PTPRN2: variants seen among roughly 807,000 people sequenced by gnomAD.
The protein encoded by PTPRN2 is protein tyrosine phosphatase receptor type N2.
A neutral mutation model predicts 118.8 loss-of-function variants in PTPRN2; 74 were observed. The ratio of observed to expected loss-of-function variants is 0.62; its 90% CI spans 0.52 to 0.76. The LOEUF (loss-of-function observed/expected upper bound fraction) is 0.76. Ranked by LOEUF, PTPRN2 falls within the 30% of genes least tolerant of loss-of-function variation. The pLI, the probability that PTPRN2 is intolerant of heterozygous loss-of-function variation, is 0.00. For missense variants in PTPRN2, 1,481 were observed against 1,394.4 expected, an observed-to-expected ratio of 1.06 and a Z score of -0.99; for synonymous variants, 641 against 608.0, an observed-to-expected ratio of 1.05 and a Z score of -0.80.
chr7:157,931,930 C>G (rs1411864010), intron 11 of PTPRN2, among the ~76,000 whole-genome samples: 1 of 152,116 alleles, frequency 6.6e-6, no homozygotes, highest in Non-Finnish European at 1.5e-5. Flanking sequence ...TGCTTCCCCT[C>G]CCCCCTTTAA....
chr7:158,096,929 C>T (rs1336465301), intron 10 of PTPRN2, among the ~76,000 whole-genome samples: 1 of 152,174 alleles, frequency 6.6e-6, no homozygotes, highest in Non-Finnish European at 1.5e-5. Context: ...ATATTACTAA[C>T]GCACAGCACT....
At chr7:158,275,758 C>T (rs573105065) in intron 3 of PTPRN2, among the ~76,000 whole-genome samples, 225 of 152,234 alleles carry the variant, frequency 1.5e-3, no homozygotes, top group African/African-American at 5.2e-3. Flanking sequence ...CAGGCAGAGC[C>T]GAACTCCCAG....
Position 158,417,453 on chromosome 7 carries a change from C to T in PTPRN2, c.163+72282G>A, listed in dbSNP as rs185320303. ...TCGAGATGCTGTAGCTTTCAGTGTC[C>T]CGCTGTGTTGTCATGGTGTACTACA... is the stretch of plus-strand genomic sequence containing the variant. On this transcript the variant is annotated intron_variant, in intron 2 of 22. Transcript: ENST00000389418. Among the ~76,000 whole-genome samples the T allele has an allele frequency of 1.8e-3, 269 of 149,336 alleles. 8 individuals are homozygous for T. Among genetic ancestry groups the T allele is most frequent in the African/African-American group, 6.5e-3 (257 of 39,622 alleles).
At chr7:158,055,381 A>C (rs549194045) in intron 11 of PTPRN2, among the ~76,000 whole-genome samples, 1 of 152,302 alleles carries the variant, frequency 6.6e-6, no homozygotes, top group Non-Finnish European at 1.5e-5. Context: ...GTCAGTGCCA[A>C]GGAAAAACAC....
chr7:158,337,454 CTCAA>C, intron 2 of PTPRN2, among the ~76,000 whole-genome samples: 8 of 148,310 alleles, frequency 5.4e-5, no homozygotes, highest in African/African-American at 1.5e-4. Flanking sequence ...ACAGACGTCA[CTCAA>C]ACCCACACTC....
At chr7:158,458,680 A>G (rs1164144782) in intron 2 of PTPRN2, among the ~76,000 whole-genome samples, 3 of 152,184 alleles carry the variant, frequency 2.0e-5, no homozygotes, top group African/African-American at 4.8e-5. Flanking sequence ...AAAGTTGCAC[A>G]GTTATTTACT....
rs552481380 is a variant in PTPRN2 at position 157,619,316 on chromosome 7, C to T, written c.2344+2046G>A. The stretch of plus-strand genomic sequence containing the variant: ...CAGACACACAGAGACATATAATGCA[C>T]GCTTACTGCATGGCTATTTACCACG... On this transcript the variant is annotated intron_variant, in intron 15 of 22. Transcript: ENST00000389418. The surrounding 1 kb of genome is among the most constrained non-coding windows in gnomAD (Gnocchi z 5.3). Among the ~76,000 whole-genome samples the T allele has an allele frequency of 5.3e-5, 8 of 152,256 alleles. No homozygotes were observed. The South Asian group carries it at 6.2e-4, about 12-fold the overall frequency.
intron 2 of PTPRN2, among the ~76,000 whole-genome samples, chr7:158,434,062 A>G (rs762679502): frequency 1.7e-4 from 26 of 152,162 alleles, no homozygotes; most frequent in African/African-American, 2.2e-4. Context: ...AATGATTTCA[A>G]TCTTTAGCAA....
intron 10 of PTPRN2, among the ~76,000 whole-genome samples, chr7:158,089,422 G>T (rs61467126): frequency 0.011 from 232 of 20,334 alleles, no homozygotes; most frequent in Non-Finnish European, 0.035. Context: ...CCTCCCCTGA[G>T]GAAAGAGGGA....
At chr7:157,722,945 C>T (rs1177356515) in intron 12 of PTPRN2, among the ~76,000 whole-genome samples, 1 of 152,104 alleles carries the variant, frequency 6.6e-6, no homozygotes, top group Admixed American at 6.5e-5. Flanking sequence ...ATCAACAGCC[C>T]ACCGCCAGCA....
In PTPRN2 at chr7:157,627,150, C is replaced by T. The variant is rs920784707; in HGVS notation, c.2197-5641G>A. ...TCTCCCCTGGAGCCTTCTCAGTGGC[C>T]TCCAGGCACCAGTGTGCACCGCACC... On this transcript the variant is annotated intron_variant, in intron 14 of 22. Transcript: ENST00000389418. The surrounding 1 kb of genome is among the most constrained non-coding windows in gnomAD (Gnocchi z 4.2). Among the ~76,000 whole-genome samples, 4 of 152,238 alleles carry T rather than the reference C, an allele frequency of 2.6e-5. No individual in the cohort carries two copies. The highest frequency in any genetic ancestry group is 5.9e-5 in the Non-Finnish European group (4 of 68,048).
intron 2 of PTPRN2, among the ~76,000 whole-genome samples, chr7:158,326,992 C>A (rs1286554931): frequency 1.3e-5 from 2 of 151,804 alleles, no homozygotes; most frequent in African/African-American, 4.8e-5. Flanking sequence ...TACACATTCT[C>A]AGATGCACAC....
chr7:157,829,575 G>A (rs1023260795), intron 12 of PTPRN2, among the ~76,000 whole-genome samples: 11 of 152,210 alleles, frequency 7.2e-5, no homozygotes, highest in Non-Finnish European at 1.5e-4. Flanking sequence ...AGACTGACAC[G>A]GAAAAGCTGA....
At chr7:157,999,510 C>T (rs1563315201) in intron 11 of PTPRN2, among the ~76,000 whole-genome samples, 2 of 152,206 alleles carry the variant, frequency 1.3e-5, no homozygotes, top group Non-Finnish European at 2.9e-5. Context: ...TTTCCACCAA[C>T]ACAGGCAGGG....
At chr7:158,017,610 A>G (rs1018072459) in intron 11 of PTPRN2, among the ~76,000 whole-genome samples, 2 of 152,172 alleles carry the variant, frequency 1.3e-5, no homozygotes, top group South Asian at 2.1e-4. Context: ...TTCAGCATTG[A>G]TGCTGACGTT....
chr7:158,318,523 C>T (rs1030256195), intron 2 of PTPRN2, among the ~76,000 whole-genome samples: 1 of 152,128 alleles, frequency 6.6e-6, no homozygotes, highest in African/African-American at 2.4e-5. Flanking sequence ...TCCTGGACCC[C>T]CAAGCGGGGC....
chr7:157,652,268 C>T (rs1017295098), intron 14 of PTPRN2, among the ~76,000 whole-genome samples: 1 of 152,354 alleles, frequency 6.6e-6, no homozygotes, highest in Admixed American at 6.5e-5. Context: ...CCCTTCCTCT[C>T]CAGCCCGACG....
At chr7:158,473,970 T>C (rs771064163) in intron 2 of PTPRN2, among the ~76,000 whole-genome samples, 1 of 151,996 alleles carries the variant, frequency 6.6e-6, no homozygotes, top group Non-Finnish European at 1.5e-5. Flanking sequence ...CAACCCTTCA[T>C]GGTAAAAGCA....
intron 15 of PTPRN2, among the ~76,000 whole-genome samples, chr7:157,605,789 G>A (rs1801967910): frequency 6.6e-6 from 1 of 152,212 alleles, no homozygotes; most frequent in Non-Finnish European, 1.5e-5. Flanking sequence ...GCATTTATGG[G>A]CCTCAGAGGG....
Sources: gnomAD v4.1 joint callset for allele counts (sites outside exome capture counted in the v4.1 genomes callset) on GRCh38, gnomAD v4.1.1 for gene constraint, Gnocchi (gnomAD v3.1) non-coding constraint, MANE v1.5 for transcripts, NCBI Gene and HGNC (gene_info 2026-07-23, HGNC 2026-07-21) for gene names.